The following VEPH1 variants were observed in gnomAD, a reference collection of about 807,000 sequenced individuals.
VEPH1 encodes ventricular zone-expressed PH domain-containing protein homolog 1.
VEPH1 carries 80 observed loss-of-function variants against 85.2 expected under a neutral mutation model. The observed-to-expected ratio is 0.94, with a 90% CI of 0.78 to 1.13. VEPH1 has a LOEUF of 1.13. Ranked by LOEUF, VEPH1 falls within the 50% of genes most tolerant of loss-of-function variation. VEPH1 has a pLI of 0.00. For missense variants in VEPH1, 955 were observed against 980.5 expected, an observed-to-expected ratio of 0.97 and a Z score of 0.35; for synonymous variants, 297 against 348.0, an observed-to-expected ratio of 0.85 and a Z score of 1.63.
At chr3:157,456,690 A>G (rs1191426164) in intron 4 of VEPH1, among the ~76,000 whole-genome samples, 1 of 151,902 alleles carries the variant, frequency 6.6e-6, no homozygotes, top group Non-Finnish European at 1.5e-5. Flanking sequence ...GTAGGTGTGT[A>G]GCCTTATTTC....
intron 6 of VEPH1, among the ~76,000 whole-genome samples, chr3:157,400,611 T>A (rs928093313): frequency 6.6e-6 from 1 of 152,108 alleles, no homozygotes; most frequent in African/African-American, 2.4e-5. Flanking sequence ...CAAATAAGTT[T>A]TTTTCAATTT....
chr3:157,343,308 G>T (rs1190894869), intron 9 of VEPH1, among the ~76,000 whole-genome samples: 1 of 151,966 alleles, frequency 6.6e-6, no homozygotes, highest in Non-Finnish European at 1.5e-5. Context: ...AAACAGAGAA[G>T]AATCAAATAG....
chr3:157,421,828 A>G (rs1440816408), intron 5 of VEPH1, among the ~76,000 whole-genome samples: 1 of 152,120 alleles, frequency 6.6e-6, no homozygotes, highest in African/African-American at 2.4e-5. Flanking sequence ...ATACCCCATT[A>G]CAACTTCTTC....
intron 9 of VEPH1, among the ~76,000 whole-genome samples, chr3:157,362,679 T>C (rs531564737): frequency 2.6e-5 from 4 of 152,226 alleles, no homozygotes; most frequent in Non-Finnish European, 5.9e-5. Context: ...TTCAACAGTT[T>C]ATTATAAAAT....
chr3:157,355,220 G>A (rs748020200), intron 9 of VEPH1, among the ~76,000 whole-genome samples: 6 of 152,164 alleles, frequency 3.9e-5, no homozygotes, highest in East Asian at 3.8e-4. Flanking sequence ...TTGTAACTAC[G>A]TATTATGTAA....
chr3:157,335,184 A>T lies in VEPH1; in HGVS notation c.1736-17983T>A, dbSNP rs371591152. Among the ~76,000 whole-genome samples, 128 of 151,884 alleles carry T rather than the reference A, an allele frequency of 8.4e-4. 2 individuals carry two copies. In the South Asian group the frequency reaches 0.015, roughly 17 times the overall value. On this transcript the variant is annotated intron_variant, in intron 9 of 13. Transcript: ENST00000362010. ...AAATTGGGAGGTGTTTTTTTCTTTG[A>T]CATTCTCAAATACAGTAGACCACTG...
rs1002001306 is a variant in VEPH1, at chr3:157,400,086, A to G, written c.906+13795T>C. Reference sequence around the variant, plus strand: ...GATCATTTTGTCAATTGTAAAAGGAATAAGTTTCCATTCTTCATTATTTTT... The same window carrying G: ...GATCATTTTGTCAATTGTAAAAGGAGTAAGTTTCCATTCTTCATTATTTTT... On this transcript the variant is annotated intron_variant, in intron 6 of 13. Transcript: ENST00000362010. 4.6e-5 allele frequency among the ~76,000 whole-genome samples: 7 copies of G among 152,254 alleles called. No individual in the cohort carries two copies. In the South Asian group the frequency reaches 8.3e-4, roughly 18 times the overall value.
At chr3:157,386,381 C>T (rs1250991563) in intron 6 of VEPH1, among the ~76,000 whole-genome samples, 2 of 151,560 alleles carry the variant, frequency 1.3e-5, no homozygotes, top group African/African-American at 2.4e-5. Flanking sequence ...CCAATGAATC[C>T]TTCCCATTTA....
chr3:157,269,411 AAAAATCAATG>A lies in VEPH1; in HGVS notation c.2129-3759_2129-3750del, dbSNP rs370759229. 6.3e-4 allele frequency among the ~76,000 whole-genome samples: 96 copies of A among 152,358 alleles called. 1 individual carries two copies. The highest frequency in any genetic ancestry group is 2.2e-3 in the African/African-American group (91 of 41,580). ...CCAGTGAAAATCAGCCCTAGGGGAAAAAAATCAATGAAAATGGTTTTAGAAAGGAAACATT... is the reference window on the plus strand; with the variant it reads ...CCAGTGAAAATCAGCCCTAGGGGAAAAAAATGGTTTTAGAAAGGAAACATT... On this transcript the variant is annotated intron_variant, in intron 12 of 13. Transcript: ENST00000362010.
chr3:157,290,666 TG>T (rs1395500833), intron 11 of VEPH1, among the ~76,000 whole-genome samples: 2 of 152,076 alleles, frequency 1.3e-5, no homozygotes, highest in African/African-American at 4.8e-5. Flanking sequence ...TTTTCATTGA[TG>T]TAAAAAAAAG....
intron 9 of VEPH1, among the ~76,000 whole-genome samples, chr3:157,334,888 C>T (rs1481055496): frequency 1.3e-5 from 2 of 152,130 alleles, no homozygotes; most frequent in African/African-American, 4.8e-5. Context: ...GATAAAGAAG[C>T]AGTGGCAAGA....
At chr3:157,421,218 T>C (rs1355491216) in intron 5 of VEPH1, among the ~76,000 whole-genome samples, 1 of 152,174 alleles carries the variant, frequency 6.6e-6, no homozygotes, top group East Asian at 1.9e-4. Flanking sequence ...CTTCACAGTC[T>C]CATGGACTAG....
chr3:157,356,040 C>G (rs1725388814), intron 9 of VEPH1, among the ~76,000 whole-genome samples: 1 of 151,896 alleles, frequency 6.6e-6, no homozygotes, highest in East Asian at 1.9e-4. Flanking sequence ...GCTGGGACTA[C>G]AAGTGCACAT....
chr3:157,337,844 C>T (rs1434799841), intron 9 of VEPH1, among the ~76,000 whole-genome samples: 1 of 152,064 alleles, frequency 6.6e-6, no homozygotes, highest in Non-Finnish European at 1.5e-5. Flanking sequence ...GTGATAGCCT[C>T]AGAGATGTAA....
In VEPH1 at chr3:157,495,238, G is replaced by T. The variant is rs778760832; in HGVS notation, c.112C>A (p.Gln38Lys). The T allele has an allele frequency of 1.2e-6, 2 of 1,613,942 alleles. No homozygotes were observed. Among genetic ancestry groups the T allele is most frequent in the East Asian group, 2.2e-5 (1 of 44,862 alleles). Residue 38 changes from glutamine to lysine, a missense_variant, in exon 2 of 14, where the codon CAA (glutamine) becomes AAA (lysine). Gln to Lys is a moderately conservative substitution (Grantham distance 53, BLOSUM62 1). Transcript: ENST00000362010. ...GAAGATGAGCTAATTATCTTAATTT[G>T]CTCCAAAGCTTCTGTAAGGCTGTCT... is the stretch of plus-strand genomic sequence containing the variant. ...IEDSLTEALE[Q>K]IKIISSSSDY...
chr3:157,464,460 A>T (rs1457400044), intron 3 of VEPH1, among the ~76,000 whole-genome samples: 1 of 152,236 alleles, frequency 6.6e-6, no homozygotes, highest in Non-Finnish European at 1.5e-5. Flanking sequence ...TGATAATGCC[A>T]GAGCCTATGA....
chr3:157,272,427 C>CTTTCT (rs1714810377), intron 12 of VEPH1, among the ~76,000 whole-genome samples: 1 of 130,764 alleles, frequency 7.6e-6, no homozygotes, highest in South Asian at 2.4e-4. Flanking sequence ...TTCTTTCTTT[C>CTTTCT]TTTCTTTCTT....
intron 4 of VEPH1, among the ~76,000 whole-genome samples, chr3:157,431,190 C>CA (rs1354352265): frequency 6.6e-6 from 1 of 152,172 alleles, no homozygotes; most frequent in Non-Finnish European, 1.5e-5. Context: ...CTCCTGCTGC[C>CA]ATGTAAGACG....
chr3:157,457,002 T>G (rs889820550), intron 4 of VEPH1, among the ~76,000 whole-genome samples: 2 of 152,226 alleles, frequency 1.3e-5, no homozygotes. Context: ...CTCCTATCCA[T>G]GAGTATAGAA....
Sources: gnomAD v4.1 joint callset for allele counts (sites outside exome capture counted in the v4.1 genomes callset) on GRCh38, gnomAD v4.1.1 for gene constraint, MANE v1.5 for transcripts, NCBI Gene and HGNC (gene_info 2026-07-23, HGNC 2026-07-21) for gene names.